ENOX1: variants seen among roughly 807,000 people sequenced by gnomAD.
ENOX1 encodes ecto-NOX disulfide-thiol exchanger 1, also known as candidate growth-related and time keeping constitutive hydroquinone (NADH) oxidase.
In ENOX1, 42 loss-of-function variants were observed where a neutral mutation model predicts 82.5. The observed-to-expected ratio is 0.51, with a 90% CI of 0.40 to 0.66. The LOEUF is 0.66. ENOX1 is among the 30% of genes least tolerant of loss of function. The probability of loss-of-function intolerance (pLI) is 0.00; values close to 1 mark genes in which losing one functional copy is unlikely to be tolerated. For synonymous variants in ENOX1, 271 were observed against 282.2 expected, an observed-to-expected ratio of 0.96 and a Z score of 0.40; for missense variants, 608 against 811.6, an observed-to-expected ratio of 0.75 and a Z score of 3.05.
At chr13:43,572,832 T>G (rs1182229505) in intron 2 of ENOX1, among the ~76,000 whole-genome samples, 3 of 152,346 alleles carry the variant, frequency 2.0e-5, no homozygotes, top group Non-Finnish European at 2.9e-5. Context: ...TCCCTGCTGT[T>G]AGAGGGATAA....
chr13:43,230,935 C>T (rs1479261671), intron 15 of ENOX1, among the ~76,000 whole-genome samples: 3 of 152,170 alleles, frequency 2.0e-5, no homozygotes, highest in African/African-American at 4.8e-5. Context: ...ATATACTCCC[C>T]ACTACCCCCA....
chr13:43,481,872 A>G (rs529405670), intron 3 of ENOX1, among the ~76,000 whole-genome samples: 1 of 152,342 alleles, frequency 6.6e-6, no homozygotes, highest in South Asian at 2.1e-4. Context: ...CATTTCTCCC[A>G]AGAAGACATA....
chr13:43,395,239 G>A (rs1450764971), intron 5 of ENOX1, among the ~76,000 whole-genome samples: 6 of 152,216 alleles, frequency 3.9e-5, no homozygotes, highest in African/African-American at 1.2e-4. Context: ...CTCCAGGGCC[G>A]GGTGCAGTGG....
intron 2 of ENOX1, among the ~76,000 whole-genome samples, chr13:43,594,783 C>A (rs2081391314): frequency 6.6e-6 from 1 of 152,106 alleles, no homozygotes; most frequent in Non-Finnish European, 1.5e-5. Flanking sequence ...CGAAGTTGAA[C>A]CAATACTTAT....
chr13:43,355,913 C>T lies in ENOX1; in HGVS notation c.823+6G>A. The T allele has an allele frequency of 6.2e-7, 1 of 1,609,812 alleles. No individual in the cohort carries two copies. Among genetic ancestry groups the T allele is most frequent in the Non-Finnish European group, 8.5e-7 (1 of 1,177,736 alleles). On this transcript the variant is annotated splice_donor_region_variant and intron_variant, in intron 8 of 16. Transcript: ENST00000690772. ...AGGAAGAAAAGCCAGCGTGGGTGGC[C>T]CATACCTTTCAGCTTTTCAGCCAGC...
chr13:43,658,097 T>C (rs1045817520), intron 2 of ENOX1, among the ~76,000 whole-genome samples: 2 of 152,178 alleles, frequency 1.3e-5, no homozygotes, highest in South Asian at 2.1e-4. Context: ...TGATCAAGAA[T>C]TGTGTTCAGC....
chr13:43,414,956 G>A (rs1388943270), intron 3 of ENOX1, among the ~76,000 whole-genome samples: 1 of 152,168 alleles, frequency 6.6e-6, no homozygotes, highest in African/African-American at 2.4e-5. Flanking sequence ...CCTTGGCTCT[G>A]TAACAGTCTG....
intron 1 of ENOX1, among the ~76,000 whole-genome samples, chr13:43,776,676 C>T (rs1951937984): frequency 1.3e-5 from 2 of 152,172 alleles, no homozygotes; most frequent in Admixed American, 1.3e-4. Context: ...GAAGCACTAC[C>T]TCCCCTGGAC....
Position 43,506,519 on chromosome 13 carries a change from A to T in ENOX1, c.-218-22367T>A, listed in dbSNP as rs887032928. Among the ~76,000 whole-genome samples, 2 of 138,068 alleles carry T rather than the reference A, an allele frequency of 1.4e-5. 1 individual carries two copies. The highest frequency in any genetic ancestry group is 5.2e-5 in the African/African-American group (2 of 38,462). 90.6% of individuals were successfully genotyped at this position (138,068 alleles called of 152,430 possible). A position where few individuals can be genotyped will look rare whatever the true frequency, so the allele number is the denominator to read the frequency against. ...CCAAAGGATTATAAATCATGCTGCT[A>T]TAAAGACACATGCACACATATGTTT... On this transcript the variant is annotated intron_variant, in intron 2 of 16. Coordinates refer to ENST00000690772, the MANE Select transcript of ENOX1 (RefSeq NM_001347969.2).
At chr13:43,593,897 G>C (rs1387382188) in intron 2 of ENOX1, among the ~76,000 whole-genome samples, 2 of 152,178 alleles carry the variant, frequency 1.3e-5, no homozygotes, top group African/African-American at 2.4e-5. Context: ...TCCAGGTAAA[G>C]CTATCTGGGA....
chr13:43,334,382 T>C (rs947462478), intron 9 of ENOX1, among the ~76,000 whole-genome samples: 3 of 152,216 alleles, frequency 2.0e-5, no homozygotes, highest in Non-Finnish European at 2.9e-5. Flanking sequence ...CAAAGTCTTA[T>C]GAGCTCTGTG....
intron 1 of ENOX1, among the ~76,000 whole-genome samples, chr13:43,735,376 C>T (rs1227310701): frequency 6.6e-6 from 1 of 152,070 alleles, no homozygotes; most frequent in African/African-American, 2.4e-5. Context: ...TTATTACCAC[C>T]CATTTTAATT....
At chr13:43,773,895 C>T (rs1951782575) in intron 1 of ENOX1, among the ~76,000 whole-genome samples, 1 of 152,290 alleles carries the variant, frequency 6.6e-6, no homozygotes, top group South Asian at 2.1e-4. Flanking sequence ...CAATGAATAT[C>T]TAGCATGCTT....
At chr13:43,601,054 A>C (rs2081693129) in intron 2 of ENOX1, among the ~76,000 whole-genome samples, 1 of 152,184 alleles carries the variant, frequency 6.6e-6, no homozygotes, top group Non-Finnish European at 1.5e-5. Flanking sequence ...AAACCTTCCC[A>C]AGAAAGACGG....
At chr13:43,488,835 G>A (rs1437859739) in intron 2 of ENOX1, among the ~76,000 whole-genome samples, 6 of 152,180 alleles carry the variant, frequency 3.9e-5, no homozygotes, top group African/African-American at 1.4e-4. Flanking sequence ...AGGAAGGGCC[G>A]TCTTTGTTAT....
At chr13:43,617,178 G>T (rs2082518602) in intron 2 of ENOX1, among the ~76,000 whole-genome samples, 1 of 152,168 alleles carries the variant, frequency 6.6e-6, no homozygotes, top group South Asian at 2.1e-4. Context: ...GAGCTAGAAT[G>T]TATTCCGTAT....
chr13:43,621,619 C>G (rs1160035337), intron 2 of ENOX1, among the ~76,000 whole-genome samples: 1 of 152,198 alleles, frequency 6.6e-6, no homozygotes, highest in Non-Finnish European at 1.5e-5. Context: ...GCTGAGAAAT[C>G]TGCTGTTAAT....
intron 2 of ENOX1, among the ~76,000 whole-genome samples, chr13:43,508,383 T>C (rs1464234718): frequency 6.6e-6 from 1 of 152,040 alleles, no homozygotes; most frequent in East Asian, 1.9e-4. Flanking sequence ...AGCACCATGA[T>C]CTTGTGCTTT....
At chr13:43,310,930 T>C (rs1215446090) in intron 11 of ENOX1, among the ~76,000 whole-genome samples, 1 of 151,618 alleles carries the variant, frequency 6.6e-6, no homozygotes, top group Non-Finnish European at 1.5e-5. Context: ...CTTAGCCCCA[T>C]CCTTCTGCTT....
Sources: allele counts gnomAD v4.1 joint callset (sites outside exome capture counted in the v4.1 genomes callset), GRCh38; gene constraint gnomAD v4.1.1; transcripts MANE v1.5; gene names NCBI Gene and HGNC (gene_info 2026-07-23, HGNC 2026-07-21).